The following EIF2S2 variants were observed in gnomAD, a reference collection of about 807,000 sequenced individuals.
The protein encoded by EIF2S2 is eukaryotic translation initiation factor 2 subunit 2.
A neutral mutation model predicts 44.0 loss-of-function variants in EIF2S2; 4 were observed. The observed-to-expected ratio is 0.09, with a 90% CI of 0.04 to 0.21. EIF2S2 has a LOEUF of 0.21. Ranked by LOEUF, EIF2S2 falls within the 10% of genes least tolerant of loss-of-function variation. EIF2S2 has a pLI of 1.00. For missense variants in EIF2S2, 154 were observed against 392.0 expected (o/e 0.39, Z 5.13); for synonymous variants, 108 against 128.3 (o/e 0.84, Z 1.07).
intron 3 of EIF2S2, among the ~76,000 whole-genome samples, chr20:34,099,916 C>T (rs1307897343): frequency 1.3e-5 from 2 of 152,214 alleles, no homozygotes; most frequent in African/African-American, 2.4e-5. Flanking sequence ...GGACATCACC[C>T]TCCTAGCACC....
At chr20:34,111,590 CT>C (rs1800483518) in intron 1 of EIF2S2, among the ~76,000 whole-genome samples, 1 of 152,298 alleles carries the variant, frequency 6.6e-6, no homozygotes, top group South Asian at 2.1e-4. Context: ...ACCCCCTCGT[CT>C]TTTTAAAAAA....
intron 6 of EIF2S2, among the ~76,000 whole-genome samples, chr20:34,094,152 A>G (rs2034200512): frequency 6.6e-6 from 1 of 152,328 alleles, no homozygotes; most frequent in Admixed American, 6.5e-5. Context: ...TCAGCTTCCC[A>G]AAGTGCCAGG....
At chr20:34,091,923 G>GA (rs1308695332) in intron 7 of EIF2S2, among the ~76,000 whole-genome samples, 18 of 148,742 alleles carry the variant, frequency 1.2e-4, no homozygotes, top group African/African-American at 2.7e-4. Flanking sequence ...GCTGTTTGAA[G>GA]AAAAAAAAAG....
chr20:34,106,754 A>G (rs1488312584), intron 1 of EIF2S2, among the ~76,000 whole-genome samples: 1 of 152,156 alleles, frequency 6.6e-6, no homozygotes, highest in East Asian at 1.9e-4. Context: ...TCTTATCTAA[A>G]TGTCCACTAT....
intron 3 of EIF2S2, among the ~76,000 whole-genome samples, chr20:34,101,085 A>G (rs1318898172): frequency 6.6e-6 from 1 of 152,238 alleles, no homozygotes; most frequent in Admixed American, 6.5e-5. Context: ...AGCTGGGAGT[A>G]AATAAAGCTC....
intron 1 of EIF2S2, among the ~76,000 whole-genome samples, chr20:34,107,752 G>A (rs1215509832): frequency 6.6e-6 from 1 of 152,190 alleles, no homozygotes; most frequent in East Asian, 1.9e-4. Context: ...CCAAGCTACA[G>A]TCTGTAATAA....
chr20:34,090,293 AC>A (rs1405609399), intron 8 of EIF2S2, among the ~76,000 whole-genome samples: 2 of 152,246 alleles, frequency 1.3e-5, no homozygotes, highest in African/African-American at 2.4e-5. Flanking sequence ...CCTACAATCA[AC>A]CAGCAGCTTC....
rs768445556 is a variant in EIF2S2 at position 34,090,587 on chromosome 20, A to C, written c.756T>G (p.Gly252=). 1.3e-6 allele frequency: 2 copies of C among 1,542,826 alleles called. No homozygotes were observed. The highest frequency in any genetic ancestry group is 2.8e-5 in the African/African-American group (2 of 72,634). ...AELGTSGSID[G]NNQLVIKGRF... ...TTCCTTTGATTACAAGTTGGTTATT[A>C]CCATCTATAGAACCACTATGAAAGA... The change falls in exon 8 of 9, where the codon GGT becomes GGG. Residue 252 remains glycine (G), a synonymous_variant. Coordinates refer to ENST00000374980, the MANE Select transcript of EIF2S2 (RefSeq NM_003908.5).
intron 6 of EIF2S2, among the ~76,000 whole-genome samples, chr20:34,094,649 G>A (rs1246972942): frequency 1.3e-5 from 2 of 151,462 alleles, no homozygotes; most frequent in African/African-American, 4.9e-5. Context: ...CCAACTAGAG[G>A]AGTGGTTAAA....
chr20:34,098,961 G>T (rs2034264838), intron 3 of EIF2S2, among the ~76,000 whole-genome samples: 1 of 152,234 alleles, frequency 6.6e-6, no homozygotes, highest in African/African-American at 2.4e-5. Context: ...TCTGCCATTT[G>T]AACTGTGAAT....
chr20:34,094,599 T>C (rs2034205921), intron 6 of EIF2S2, among the ~76,000 whole-genome samples: 1 of 152,086 alleles, frequency 6.6e-6, no homozygotes, highest in East Asian at 1.9e-4. Flanking sequence ...AAGGGTTCCA[T>C]GGTAGCACAA....
chr20:34,097,409 G>C lies in EIF2S2; in HGVS notation c.534+7C>G. The C allele has an allele frequency of 6.2e-7, 1 of 1,610,100 alleles. No homozygotes were observed. Among genetic ancestry groups the C allele is most frequent in the South Asian group, 1.1e-5 (1 of 90,858 alleles). On this transcript the variant is annotated splice_region_variant and intron_variant, in intron 5 of 8. Coordinates refer to ENST00000374980, the MANE Select transcript of EIF2S2 (RefSeq NM_003908.5). ...TTAGCCCCTTTTCACAACAGATTTT[G>C]TCTTACCTCCTCGTATGTGTAGTCT...
chr20:34,108,604 T>C (rs753497811), intron 1 of EIF2S2, among the ~76,000 whole-genome samples: 6 of 152,190 alleles, frequency 3.9e-5, no homozygotes, highest in Non-Finnish European at 8.8e-5. Context: ...AGTGCACATA[T>C]GGAAAACTAC....
Position 34,088,498 on chromosome 20 carries a change from T to C in EIF2S2, c.*1232A>G, listed in dbSNP as rs1220457051. Reference sequence around the variant, plus strand: ...TACTGCTTTACCCATCACCCTCCACTGTTTTAGCCAAGGTGTTTGACAACA... The same window carrying C: ...TACTGCTTTACCCATCACCCTCCACCGTTTTAGCCAAGGTGTTTGACAACA... On this transcript the variant is annotated 3_prime_UTR_variant, in exon 9 of 9. Coordinates refer to ENST00000374980, the MANE Select transcript of EIF2S2 (RefSeq NM_003908.5). 6.5e-6 allele frequency: 1 copy of C among 152,690 alleles called. No homozygotes were observed. The highest frequency in any genetic ancestry group is 1.5e-5 in the Non-Finnish European group (1 of 68,040). 9.5% of individuals were successfully genotyped at this position (152,690 alleles called of 1,614,324 possible).
At chr20:34,105,908 C>T (rs1003511742) in intron 1 of EIF2S2, among the ~76,000 whole-genome samples, 11 of 152,076 alleles carry the variant, frequency 7.2e-5, no homozygotes, top group South Asian at 2.1e-4. Context: ...AATACCTAAG[C>T]GGGGTGTAAA....
At chr20:34,111,965 C>T (rs909659739) in intron 1 of EIF2S2, 131 bp downstream of exon 1, 6 of 1,089,054 alleles carry the variant, frequency 5.5e-6, no homozygotes, top group South Asian at 3.7e-5. Flanking sequence ...TCTGCCGCTC[C>T]GGGCCGCCTA....
At chr20:34,096,290 CAA>C (rs3215514) in intron 6 of EIF2S2, among the ~76,000 whole-genome samples, 2 of 137,244 alleles carry the variant, frequency 1.5e-5, no homozygotes, top group African/African-American at 2.7e-5. Context: ...CACGTTTCTA[CAA>C]AAAAAAAAAA....
rs1419541432 is a variant in EIF2S2, at chr20:34,089,872, G to A, written c.860C>T (p.Pro287Leu). 1.2e-6 allele frequency: 2 copies of A among 1,613,758 alleles called. No homozygotes were observed. Among genetic ancestry groups the A allele is most frequent in the Admixed American group, 1.7e-5 (1 of 59,974 alleles). The change falls in exon 9 of 9, where the codon CCG (proline) becomes CTG (leucine). Residue 287 changes from proline (P) to leucine (L), a missense_variant. Pro to Leu is a moderately conservative substitution (Grantham distance 98). Around this residue, in one of 2 missense-constraint regions of EIF2S2, gnomAD observed 20 missense variants for 167.0 expected, o/e 0.12. Coordinates refer to ENST00000374980, the MANE Select transcript of EIF2S2 (RefSeq NM_003908.5). Reference protein sequence around the residue: ...EYVTCHTCRSPDTILQKDTRL... With the variant: ...EYVTCHTCRSLDTILQKDTRL... The stretch of plus-strand genomic sequence containing the variant: ...TGTGTCCTTCTGCAGGATTGTGTCC[G>A]GTGATCGGCATGTGTGACAAGTGAC...
chr20:34,105,656 C>T (rs959536004), intron 1 of EIF2S2, 111 bp from the exon 2 acceptor site: 3 of 1,011,404 alleles, frequency 3.0e-6, no homozygotes, highest in Non-Finnish European at 2.7e-6. Context: ...GTATGTGATA[C>T]ATTAAAACAC....
Sources: allele counts gnomAD v4.1 joint callset (sites outside exome capture counted in the v4.1 genomes callset), GRCh38; gene constraint gnomAD v4.1.1; regional missense constraint gnomAD v4.1.1; transcripts MANE v1.5; gene names NCBI Gene and HGNC (gene_info 2026-07-23, HGNC 2026-07-21).